The following CCDC171 variants were observed in gnomAD, a reference collection of about 807,000 sequenced individuals.
CCDC171 encodes the protein coiled-coil domain containing 171.
Under a neutral mutation model 168.2 loss-of-function variants are expected in CCDC171, and 177 were observed. The observed-to-expected ratio is 1.05, with a 90% CI of 0.93 to 1.19. The LOEUF (loss-of-function observed/expected upper bound fraction) is 1.19, where lower values mean the gene tolerates loss of function less well. CCDC171 is among the 50% of genes most tolerant of loss of function. CCDC171 has a pLI of 0.00. For synonymous variants in CCDC171, 687 were observed against 540.8 expected, an observed-to-expected ratio of 1.27 and a Z score of -3.75; for missense variants, 1,991 against 1,539.0, an observed-to-expected ratio of 1.29 and a Z score of -4.91.
chr9:15,723,225 G>T (rs975583124), intron 12 of CCDC171, among the ~76,000 whole-genome samples: 5 of 152,160 alleles, frequency 3.3e-5, no homozygotes, highest in South Asian at 2.1e-4. Context: ...GCATGTGACC[G>T]ACCCTGAAGT....
chr9:15,962,152 ACAAC>A (rs1830406134), intron 25 of CCDC171, among the ~76,000 whole-genome samples: 1 of 152,192 alleles, frequency 6.6e-6, no homozygotes, highest in South Asian at 2.1e-4. Flanking sequence ...CTTATGTGCT[ACAAC>A]ACAGGGGCTA....
At chr9:15,826,079 C>G (rs1299085592) in intron 21 of CCDC171, among the ~76,000 whole-genome samples, 1 of 151,734 alleles carries the variant, frequency 6.6e-6, no homozygotes, top group Non-Finnish European at 1.5e-5. Flanking sequence ...ATTTTATATT[C>G]TCGTAGTTTC....
chr9:15,984,928 T>C (rs2132882644), intron 3 of CCDC171, among the ~76,000 whole-genome samples: 1 of 152,290 alleles, frequency 6.6e-6, no homozygotes, highest in Non-Finnish European at 1.5e-5. Flanking sequence ...TAATTTGAAG[T>C]ATTTCTATAT....
Position 15,784,620 on chromosome 9 carries a change from G to C in CCDC171, c.3193G>C (p.Glu1065Gln). Residue 1065 changes from glutamate (E) to glutamine (Q), a missense_variant, in exon 21 of 26, where the codon GAA becomes CAA. Transcript: ENST00000380701. ...GAATGAACAGGCACAACAACTACAG[G>C]AATTGAATTATAAACTTGAATTGCA... ...LLNEQAQQLQ[E>Q]LNYKLELHSS... 1 of 1,613,366 alleles carries C rather than the reference G, an allele frequency of 6.2e-7. No individual in the cohort carries two copies. The highest frequency in any genetic ancestry group is 8.5e-7 in the Non-Finnish European group (1 of 1,179,540).
chr9:15,945,806 A>C (rs1197133949), intron 25 of CCDC171, among the ~76,000 whole-genome samples: 4 of 151,654 alleles, frequency 2.6e-5, no homozygotes, highest in Non-Finnish European at 5.9e-5. Flanking sequence ...GTAGGTTGCG[A>C]AGATTTTCTC....
chr9:15,625,456 C>T (rs1164947861), intron 7 of CCDC171, among the ~76,000 whole-genome samples: 2 of 152,166 alleles, frequency 1.3e-5, no homozygotes, highest in African/African-American at 4.8e-5. Flanking sequence ...TTAGGTCTAA[C>T]ATTTAAGTCT....
In CCDC171 at chr9:15,985,262, T is replaced by C. The variant is rs1589297205; in HGVS notation, n.369-35327T>C. 3.3e-5 allele frequency among the ~76,000 whole-genome samples: 5 copies of C among 152,302 alleles called. 1 individual carries two copies. The East Asian group carries it at 9.6e-4, about 29-fold the overall frequency. ...CAGTACACCAAGTGAAAAGGTTTTTTTTTGGACCAATCATACAAATTCCTT... is the reference window on the plus strand; with the variant it reads ...CAGTACACCAAGTGAAAAGGTTTTTCTTTGGACCAATCATACAAATTCCTT... On this transcript the variant is annotated intron_variant and non_coding_transcript_variant, in intron 3 of 9. Transcript: ENST00000486641.
intron 6 of CCDC171, among the ~76,000 whole-genome samples, chr9:15,605,450 C>T (rs532402858): frequency 9.7e-5 from 14 of 144,460 alleles, no homozygotes; most frequent in Non-Finnish European, 1.9e-4. Context: ...GAGGCTGAGG[C>T]GGGCAGATCA....
chr9:15,623,470 C>A, intron 7 of CCDC171, 57 bp downstream of exon 7: 1 of 753,620 alleles, frequency 1.3e-6, no homozygotes, highest in Non-Finnish European at 2.1e-6. Context: ...CATATGCGCG[C>A]GCGCGCACAC....
At chr9:15,854,320 G>A (rs1175501524) in intron 23 of CCDC171, among the ~76,000 whole-genome samples, 1 of 151,188 alleles carries the variant, frequency 6.6e-6, no homozygotes, top group Admixed American at 6.6e-5. Context: ...AGTCAGTGTT[G>A]GTAGTTTGTG....
chr9:15,633,146 G>C (rs2045883070), intron 7 of CCDC171, among the ~76,000 whole-genome samples: 1 of 152,076 alleles, frequency 6.6e-6, no homozygotes, highest in South Asian at 2.1e-4. Flanking sequence ...CAAAAGCAAT[G>C]GCAAGAAAAG....
At chr9:15,890,137 T>C (rs1819993974) in intron 24 of CCDC171, among the ~76,000 whole-genome samples, 1 of 151,988 alleles carries the variant, frequency 6.6e-6, no homozygotes, top group African/African-American at 2.4e-5. Context: ...CATTGCGCTG[T>C]ACTCTGGGAC....
rs1325224243 is a variant in CCDC171 at position 15,772,239 on chromosome 9, G to A, written c.2672-5361G>A. Among the ~76,000 whole-genome samples the A allele has an allele frequency of 3.9e-5, 6 of 152,080 alleles. No homozygotes were observed. In the South Asian group the frequency reaches 6.2e-4, roughly 16 times the overall value. On this transcript the variant is annotated intron_variant, in intron 18 of 25. Transcript: ENST00000380701. ...AAGTTCGTGGATCGATCTATTTCCT[G>A]TATTTCCAGTTTACTCCATTAGTTT... is the stretch of plus-strand genomic sequence containing the variant.
chr9:16,053,757 C>T (rs999012176), intron 1 of CCDC171, among the ~76,000 whole-genome samples: 48 of 152,302 alleles, frequency 3.2e-4, no homozygotes, highest in African/African-American at 9.9e-4. Context: ...ATGGTGTCTC[C>T]CTCACTGGGG....
upstream of CCDC171, among the ~76,000 whole-genome samples, chr9:16,041,705 T>A (rs1833575407): frequency 1.3e-5 from 2 of 152,244 alleles, no homozygotes; most frequent in Non-Finnish European, 2.9e-5. Flanking sequence ...CGAAATTTCC[T>A]TATTGGTGAT....
At chr9:15,593,134 GA>G (rs944889208) in intron 5 of CCDC171, among the ~76,000 whole-genome samples, 2 of 151,210 alleles carry the variant, frequency 1.3e-5, no homozygotes, top group African/African-American at 4.9e-5. Context: ...GCCCTTGGGG[GA>G]AAAAAAAGCC....
At chr9:16,051,137 T>A in intron 1 of CCDC171, among the ~76,000 whole-genome samples, 1 of 152,184 alleles carries the variant, frequency 6.6e-6, no homozygotes. Flanking sequence ...TAAATAAATG[T>A]TTTTTAAATA....
At chr9:15,768,603 A>T (rs1267822828) in intron 18 of CCDC171, among the ~76,000 whole-genome samples, 8 of 152,232 alleles carry the variant, frequency 5.3e-5, no homozygotes, top group African/African-American at 1.9e-4. Context: ...TCTAAAACAT[A>T]TAAAAGTATA....
At position 15,918,393 on chromosome 9, in the gene CCDC171, C is replaced by A. The variant is rs940865864; in HGVS notation, c.3601-1877C>A. ...GGCTCAGAGGGATTATGTGGCATTT[C>A]CCAACAACATAGAGTTGAATCAAAG... On this transcript the variant is annotated intron_variant, in intron 24 of 25. Transcript: ENST00000380701. Among the ~76,000 whole-genome samples, 7 of 150,146 alleles carry A rather than the reference C, an allele frequency of 4.7e-5. 1 individual carries two copies. The South Asian group carries it at 8.4e-4, about 18-fold the overall frequency.
Sources: allele counts gnomAD v4.1 joint callset (sites outside exome capture counted in the v4.1 genomes callset), GRCh38; gene constraint gnomAD v4.1.1; transcripts MANE v1.5; gene names NCBI Gene and HGNC (gene_info 2026-07-23, HGNC 2026-07-21).